SPATA17: variants seen among roughly 807,000 people sequenced by gnomAD.
SPATA17 encodes spermatogenesis-associated protein 17.
In SPATA17, 53 loss-of-function variants were observed where a neutral mutation model predicts 62.2. The ratio of observed to expected loss-of-function variants is 0.85; its 90% confidence interval spans 0.68 to 1.07. The LOEUF is 1.07. Among genes scored for constraint, SPATA17 ranks in the 50% least tolerant of loss-of-function variants. The probability of loss-of-function intolerance (pLI) is 0.00; values close to 1 mark genes in which losing one functional copy is unlikely to be tolerated. For synonymous variants in SPATA17, 146 were observed against 146.8 expected (o/e 0.99, Z 0.04); for missense variants, 466 against 425.5 (o/e 1.10, Z -0.84).
intron 3 of SPATA17, among the ~76,000 whole-genome samples, chr1:217,666,354 C>G (rs1670694225): frequency 6.6e-6 from 1 of 151,872 alleles, no homozygotes; most frequent in Non-Finnish European, 1.5e-5. Flanking sequence ...AGAACTAGAG[C>G]CTTTCTATGA....
chr1:217,850,658 A>T (rs1346473287), intron 9 of SPATA17: 30 of 1,552,342 alleles, frequency 1.9e-5, no homozygotes, highest in African/African-American at 5.4e-5. Flanking sequence ...AGATACGAGG[A>T]TGCTGCGAAT....
chr1:217,755,735 A>G (rs528450859), intron 6 of SPATA17, among the ~76,000 whole-genome samples: 1 of 152,102 alleles, frequency 6.6e-6, no homozygotes, highest in African/African-American at 2.4e-5. Flanking sequence ...TGTTGTATTT[A>G]TAATACATAA....
In SPATA17 at chr1:217,682,105, A is replaced by C. The variant is rs371300136; in HGVS notation, c.292-1153A>C. On this transcript the variant is annotated intron_variant, in intron 4 of 10. Transcript: ENST00000366933. ...GATGCTAAATCTTTACGCAAGACTA[A>C]GTTAGTATTTTTCAATATGTGCTAT... Among the ~76,000 whole-genome samples the C allele has an allele frequency of 2.6e-5, 4 of 152,274 alleles. No individual in the cohort carries two copies. The East Asian group carries it at 7.7e-4, about 29-fold the overall frequency.
intron 6 of SPATA17, among the ~76,000 whole-genome samples, chr1:217,770,781 C>A (rs955236478): frequency 1.3e-5 from 2 of 151,756 alleles, no homozygotes; most frequent in African/African-American, 4.8e-5. Flanking sequence ...AGAAAAGAGC[C>A]AATTGATAGA....
At chr1:217,661,231 G>C (rs538522679) in intron 3 of SPATA17, among the ~76,000 whole-genome samples, 6 of 151,420 alleles carry the variant, frequency 4.0e-5, no homozygotes, top group African/African-American at 1.5e-4. Context: ...TTTAGGAAGA[G>C]GAAAGGGAAT....
chr1:217,832,010 TTGAATC>T (rs1675154974), intron 9 of SPATA17, among the ~76,000 whole-genome samples: 1 of 152,162 alleles, frequency 6.6e-6, no homozygotes, highest in Admixed American at 6.6e-5. Context: ...TTATACCTGT[TTGAATC>T]TGAAGCTTCA....
intron 8 of SPATA17, among the ~76,000 whole-genome samples, chr1:217,784,625 G>GA (rs1316856158): frequency 6.6e-6 from 1 of 152,142 alleles, no homozygotes; most frequent in African/African-American, 2.4e-5. Flanking sequence ...GATTGATAGA[G>GA]AAAATGAGTA....
chr1:217,826,437 T>C (rs901882826), intron 9 of SPATA17, among the ~76,000 whole-genome samples: 5 of 152,110 alleles, frequency 3.3e-5, no homozygotes, highest in African/African-American at 1.2e-4. Flanking sequence ...TTCTTGAACA[T>C]TTTTAATAGG....
intron 4 of SPATA17, among the ~76,000 whole-genome samples, chr1:217,678,598 C>A (rs1571725256): frequency 6.6e-6 from 1 of 152,154 alleles, no homozygotes; most frequent in South Asian, 2.1e-4. Flanking sequence ...AAAAGTAAAC[C>A]CAATGGAGGG....
intron 3 of SPATA17, among the ~76,000 whole-genome samples, chr1:217,667,842 GAAGA>G (rs1670736839): frequency 6.6e-6 from 1 of 152,122 alleles, no homozygotes. Context: ...TTACAATCAC[GAAGA>G]AAGAGAATTT....
chr1:217,711,185 G>T (rs2102926544), intron 5 of SPATA17, among the ~76,000 whole-genome samples: 1 of 152,172 alleles, frequency 6.6e-6, no homozygotes, highest in African/African-American at 2.4e-5. Flanking sequence ...GTACAGGTTT[G>T]TTATATAGGC....
chr1:217,662,981 A>G (rs1670603144), intron 3 of SPATA17, among the ~76,000 whole-genome samples: 1 of 152,108 alleles, frequency 6.6e-6, no homozygotes, highest in Non-Finnish European at 1.5e-5. Flanking sequence ...ACAGCTTAAG[A>G]CTCTGAGTTA....
At position 217,870,542 on chromosome 1, in the gene SPATA17, C is replaced by T. The variant is rs1676109363; in HGVS notation, c.*3523C>T. 1.3e-5 allele frequency: 2 copies of T among 152,142 alleles called. No individual in the cohort carries two copies. Among genetic ancestry groups the T allele is most frequent in the African/African-American group, 4.8e-5 (2 of 41,430 alleles). 9.4% of individuals were successfully genotyped at this position (152,142 alleles called of 1,614,324 possible). A position where few individuals can be genotyped will look rare whatever the true frequency, so the allele number is the denominator to read the frequency against. On this transcript the variant is annotated 3_prime_UTR_variant, in exon 11 of 11. Transcript: ENST00000366933. The stretch of plus-strand genomic sequence containing the variant: ...CTGGAAAACTACTAGACTACATCAA[C>T]TTATATACTACTTCTTTTCTATATT...
intron 9 of SPATA17, among the ~76,000 whole-genome samples, chr1:217,848,019 G>C (rs112878073): frequency 0.084 from 12,732 of 152,118 alleles, 701 homozygotes; most frequent in African/African-American, 0.16. Context: ...CTGTGCAACA[G>C]AGTGAGACGC....
At chr1:217,726,701 T>C (rs1054006583) in intron 5 of SPATA17, among the ~76,000 whole-genome samples, 4 of 149,852 alleles carry the variant, frequency 2.7e-5, no homozygotes, top group African/African-American at 1.0e-4. Context: ...TCCCTTGTTT[T>C]CCCATATTTT....
chr1:217,732,322 G>C (rs1343581992), intron 5 of SPATA17, among the ~76,000 whole-genome samples: 1 of 152,126 alleles, frequency 6.6e-6, no homozygotes, highest in African/African-American at 2.4e-5. Flanking sequence ...ACTGCTTTAT[G>C]TTAGCCTCAA....
At chr1:217,804,851 CAT>C (rs879554645) in intron 9 of SPATA17, among the ~76,000 whole-genome samples, 5 of 152,108 alleles carry the variant, frequency 3.3e-5, no homozygotes, top group Admixed American at 1.3e-4. Flanking sequence ...TAACTTCACA[CAT>C]GTTAGAATGG....
chr1:217,820,873 AGCTCATAG>A (rs1674840483), intron 9 of SPATA17, among the ~76,000 whole-genome samples: 1 of 152,094 alleles, frequency 6.6e-6, no homozygotes, highest in Admixed American at 6.6e-5. Flanking sequence ...ACGCTTATTT[AGCTCATAG>A]TTCTGTAGGC....
chr1:217,743,072 C>T (rs1672661996), intron 6 of SPATA17, among the ~76,000 whole-genome samples: 3 of 151,456 alleles, frequency 2.0e-5, no homozygotes, highest in Admixed American at 2.0e-4. Context: ...TGGTGACTAT[C>T]TTCATATTTA....
Sources: allele counts gnomAD v4.1 joint callset (sites outside exome capture counted in the v4.1 genomes callset), GRCh38; gene constraint gnomAD v4.1.1; transcripts MANE v1.5; gene names NCBI Gene and HGNC (gene_info 2026-07-23, HGNC 2026-07-21).